Variants in CXADR observed in about 807,000 individuals in gnomAD.
The protein encoded by CXADR is coxsackievirus and adenovirus receptor.
CXADR carries 20 observed loss-of-function variants against 40.3 expected under a neutral mutation model. That is an observed-to-expected ratio of 0.50 (90% confidence interval 0.35 to 0.72). The LOEUF is 0.72. Ranked by LOEUF, CXADR falls within the 30% of genes least tolerant of loss-of-function variation. The pLI is 0.01. For missense variants in CXADR, 332 were observed against 449.1 expected, an observed-to-expected ratio of 0.74 and a Z score of 2.36; for synonymous variants, 150 against 161.3, an observed-to-expected ratio of 0.93 and a Z score of 0.53.
At chr21:17,577,151 CAA>C (rs540355238) in intron 7 of CXADR, among the ~76,000 whole-genome samples, 1 of 137,822 alleles carries the variant, frequency 7.3e-6, no homozygotes, top group Non-Finnish European at 1.6e-5. Context: ...GACCCTGTCT[CAA>C]AAAAAAAAAA....
At chr21:17,615,779 T>C in the CXADR span, among the ~76,000 whole-genome samples, 2 of 152,230 alleles carry the variant, frequency 1.3e-5, no homozygotes, top group African/African-American at 2.4e-5. Flanking sequence ...CACTCTAATA[T>C]GTCTAGGGCT....
chr21:17,581,289 A>G (rs542579306), intron 7 of CXADR, among the ~76,000 whole-genome samples: 3 of 152,340 alleles, frequency 2.0e-5, no homozygotes, highest in Non-Finnish European at 2.9e-5. Context: ...CATTTTGTGT[A>G]TGTATAAATA....
chr21:17,542,475 C>G (rs1388664444), intron 1 of CXADR, among the ~76,000 whole-genome samples: 1 of 152,158 alleles, frequency 6.6e-6, no homozygotes, highest in African/African-American at 2.4e-5. Flanking sequence ...ACTCATGTCA[C>G]TTTGATGCTC....
chr21:17,553,175 G>A (rs185724637), intron 3 of CXADR, among the ~76,000 whole-genome samples: 8 of 152,184 alleles, frequency 5.3e-5, no homozygotes, highest in Middle Eastern at 3.4e-3. Context: ...CACCCACCTC[G>A]GCCACCCAGA....
At chr21:17,561,248 T>C (rs971906499) in intron 5 of CXADR, 90 bp from the exon 6 acceptor site, 1 of 749,034 alleles carries the variant, frequency 1.3e-6, no homozygotes, top group African/African-American at 1.8e-5. Context: ...TAACACGTGA[T>C]GAAATCAATC....
chr21:17,544,764 A>AT (rs1281352139), intron 1 of CXADR, among the ~76,000 whole-genome samples: 1 of 152,134 alleles, frequency 6.6e-6, no homozygotes, highest in Non-Finnish European at 1.5e-5. Flanking sequence ...CCCAATTTAA[A>AT]TTTATTTCAG....
rs1368541262 is a variant in CXADR, at chr21:17,582,009, C to T, written c.1018-11143C>T. Among the ~76,000 whole-genome samples the T allele has an allele frequency of 7.3e-5, 3 of 40,842 alleles. No individual in the cohort carries two copies. The Admixed American group carries it at 9.6e-4, about 13-fold the overall frequency. 26.8% of individuals were successfully genotyped at this position (40,842 alleles called of 152,430 possible). A position where few individuals can be genotyped will look rare whatever the true frequency, so the allele number is the denominator to read the frequency against. ...AGGCTGGAGTGCAGTGGCACAATCTCGGCTCACTGCAAACCTCTGCCCTCC... is the reference window on the plus strand; with the variant it reads ...AGGCTGGAGTGCAGTGGCACAATCTTGGCTCACTGCAAACCTCTGCCCTCC... On this transcript the variant is annotated intron_variant, in intron 7 of 7. Transcript: ENST00000400169.
chr21:17,563,731 G>A (rs1276475822), intron 6 of CXADR, among the ~76,000 whole-genome samples: 4 of 151,672 alleles, frequency 2.6e-5, no homozygotes, highest in African/African-American at 4.8e-5. Flanking sequence ...CACGAGGTCA[G>A]GAGATAGAGA....
In CXADR at chr21:17,551,849, C is replaced by T; in HGVS notation, c.311C>T (p.Ser104Leu). The T allele has an allele frequency of 6.2e-7, 1 of 1,613,802 alleles. No individual in the cohort carries two copies. Among genetic ancestry groups the T allele is most frequent in the South Asian group, 1.1e-5 (1 of 91,056 alleles). Residue 104 changes from serine to leucine, a missense_variant, in exon 3 of 7, where the codon TCA becomes TTA. By Grantham distance (145) the Ser-to-Leu change is moderately radical. Transcript: ENST00000284878. ...TSNDLKSGDA[S>L]INVTNLQLSD... Reference sequence around the variant, plus strand: ...AATGATCTCAAATCTGGTGATGCATCAATAAATGTAACGAATTTACAACTG... The same window carrying T: ...AATGATCTCAAATCTGGTGATGCATTAATAAATGTAACGAATTTACAACTG...
At chr21:17,611,523 G>C in the CXADR span, 1 of 152,194 alleles carries the variant, frequency 6.6e-6, no homozygotes, top group Non-Finnish European at 1.5e-5. Context: ...TGAAAAATAA[G>C]CCCACTCCCA....
rs370215404 is a variant in CXADR at position 17,547,090 on chromosome 21, C to T, written c.107C>T (p.Thr36Ile). The change falls in exon 2 of 7, where the codon ACT (threonine) becomes ATT (isoleucine). Residue 36 changes from threonine to isoleucine, a missense_variant. Transcript: ENST00000284878. The stretch of plus-strand genomic sequence containing the variant: ...ATGATTGAAAAAGCCAAAGGGGAAA[C>T]TGCCTATCTGCCATGCAAATTTACG... Reference protein sequence around the residue: ...EEMIEKAKGETAYLPCKFTLS... With the variant: ...EEMIEKAKGEIAYLPCKFTLS... 1 of 1,613,870 alleles carries T rather than the reference C, an allele frequency of 6.2e-7. No individual in the cohort carries two copies. The highest frequency in any genetic ancestry group is 8.5e-7 in the Non-Finnish European group (1 of 1,179,976).
intron 4 of CXADR, 41 bp from the exon 5 acceptor site, chr21:17,560,661 A>G: frequency 6.3e-7 from 1 of 1,578,828 alleles, no homozygotes; most frequent in Non-Finnish European, 8.7e-7. Flanking sequence ...AACAATACAT[A>G]CTATAAAAAT....
intron 3 of CXADR, among the ~76,000 whole-genome samples, chr21:17,557,522 G>A (rs2643070): frequency 0.63 from 96,521 of 152,044 alleles, 31,067 homozygotes; most frequent in East Asian, 0.76. Context: ...GATTTTGATA[G>A]ACCACACACT....
At chr21:17,550,477 G>C (rs1208369643) in intron 2 of CXADR, among the ~76,000 whole-genome samples, 1 of 151,972 alleles carries the variant, frequency 6.6e-6, no homozygotes, top group African/African-American at 2.4e-5. Context: ...CTGGAAAACA[G>C]TGTTCTTAGA....
the CXADR span, among the ~76,000 whole-genome samples, chr21:17,608,367 A>T: frequency 6.9e-6 from 1 of 145,224 alleles, no homozygotes; most frequent in African/African-American, 2.5e-5. Context: ...AGCAAAAACA[A>T]TACCACAAAA....
intron 1 of CXADR, among the ~76,000 whole-genome samples, chr21:17,534,789 C>CTTTTTTTTTTTTTTTTT (rs11427595): frequency 3.0e-5 from 4 of 131,924 alleles, no homozygotes; most frequent in African/African-American, 5.8e-5. Flanking sequence ...TATTTTCTTC[C>CTTTTTTTTTTTTTTTTT]TTTTTTTTTT....
At chr21:17,594,162 C>A, downstream of CXADR, 2 of 1,613,178 alleles carry the variant, frequency 1.2e-6, no homozygotes, top group South Asian at 1.1e-5. Flanking sequence ...GAGGAGGTAC[C>A]CATGTCACTG....
chr21:17,585,047 T>C (rs2061385372), intron 7 of CXADR, among the ~76,000 whole-genome samples: 1 of 152,332 alleles, frequency 6.6e-6, no homozygotes, highest in African/African-American at 2.4e-5. Context: ...ACACTGTTTT[T>C]CCATTGAATT....
chr21:17,534,038 ATATATATACACATATATATAGC>A (rs1248576246), intron 1 of CXADR, among the ~76,000 whole-genome samples: 30 of 140,840 alleles, frequency 2.1e-4, no homozygotes, highest in African/African-American at 7.1e-4. Context: ...AGCTATATAT[ATATATATACACATATATATAGC>A]TATATATATA....
Sources: gnomAD v4.1 joint callset for allele counts (sites outside exome capture counted in the v4.1 genomes callset) on GRCh38, gnomAD v4.1.1 for gene constraint, MANE v1.5 for transcripts, NCBI Gene and HGNC (gene_info 2026-07-23, HGNC 2026-07-21) for gene names.